The following ULK1 variants were observed in gnomAD, a reference collection of about 807,000 sequenced individuals.
ULK1 encodes unc-51 like autophagy activating kinase 1.
In ULK1, 48 loss-of-function variants were observed where a neutral mutation model predicts 117.5. The ratio of observed to expected loss-of-function variants is 0.41; its 90% CI spans 0.32 to 0.52. ULK1 has a LOEUF of 0.52. Ranked by LOEUF, ULK1 falls within the 20% of genes least tolerant of loss-of-function variation. The pLI is 0.29. For synonymous variants in ULK1, 790 were observed against 637.8 expected (o/e 1.24, Z -3.60); for missense variants, 1,387 against 1,473.4 (o/e 0.94, Z 0.96).
rs368703262 is a variant in ULK1 at position 131,909,866 on chromosome 12, C to T, written c.725+33C>T. 10 of 1,610,378 alleles carry T rather than the reference C, an allele frequency of 6.2e-6. No individual in the cohort carries two copies. The African/African-American group carries it at 1.3e-4, about 22-fold the overall frequency. On this transcript the variant is annotated intron_variant, in intron 9 of 27. Transcript: ENST00000321867. ...CCCTCCCGCCTTCCCTTCCCTTCCCCCGCGGGCTCCGGCCCCGCAGGCCCT... is the reference window on the plus strand; with the variant it reads ...CCCTCCCGCCTTCCCTTCCCTTCCCTCGCGGGCTCCGGCCCCGCAGGCCCT...
chr12:131,915,496 C>T, intron 18 of ULK1, 75 bp downstream of exon 18: 1 of 1,523,294 alleles, frequency 6.6e-7, no homozygotes, highest in Non-Finnish European at 8.9e-7. Flanking sequence ...GGTCTAAAGC[C>T]CTTGCTCTTT....
chr12:131,903,348 C>T lies in ULK1; in HGVS notation c.247-3544C>T, dbSNP rs1889157634. ...GCATTGGCACTGGGCAGAGTGAGGA[C>T]AGGACTCCAGCCCACCTGCTTGGGC... On this transcript the variant is annotated intron_variant, in intron 3 of 27. Transcript: ENST00000321867. The surrounding 1 kb of genome is among the most constrained non-coding windows in gnomAD (Gnocchi z 6.0). 6.6e-6 allele frequency among the ~76,000 whole-genome samples: 1 copy of T among 152,212 alleles called. No homozygotes were observed. The highest frequency in any genetic ancestry group is 6.5e-5 in the Admixed American group (1 of 15,280).
At chr12:131,917,330 GGGGTCGGGTTC>G (rs1178267244) in intron 21 of ULK1, 70 bp from the exon 22 acceptor site, 24 of 1,183,930 alleles carry the variant, frequency 2.0e-5, no homozygotes, top group South Asian at 1.8e-4. Flanking sequence ...CCGTGGGATG[GGGGTCGGGTTC>G]GGCTCGGAGG....
In ULK1 at chr12:131,916,424, G is replaced by A; in HGVS notation, c.1905G>A (p.Lys635=). 2 of 1,592,974 alleles carry A rather than the reference G, an allele frequency of 1.3e-6. No individual in the cohort carries two copies. The highest frequency in any genetic ancestry group is 1.8e-5 in the Admixed American group (1 of 55,394). Residue 635 remains lysine, a synonymous_variant, in exon 20 of 28, where the codon AAG becomes AAA. Coordinates refer to ENST00000321867, the MANE Select transcript of ULK1 (RefSeq NM_003565.4). ...CTGTGCCCTCCTTTGACTTCCCGAA[G>A]ACCCCCAGCTCCCAGAACCTGCTGG... ...TKAVPSFDFP[K]TPSSQNLLAL...
At chr12:131,906,687 G>A in intron 3 of ULK1, 1 of 637,212 alleles carries the variant, frequency 1.6e-6, no homozygotes, top group Non-Finnish European at 2.8e-6. Context: ...GCCTTGATCA[G>A]ATGGAGACCT....
At chr12:131,920,896 G>C in intron 26 of ULK1, 2 of 704,248 alleles carry the variant, frequency 2.8e-6, no homozygotes, top group Non-Finnish European at 4.5e-6. Flanking sequence ...GCGCTGGCCA[G>C]GGTCATCTGG....
At position 131,915,380 on chromosome 12, in the gene ULK1, C is replaced by A. The variant is rs753477562; in HGVS notation, c.1568C>A (p.Pro523Gln). The change falls in exon 18 of 28, where the codon CCA becomes CAA. Residue 523 changes from proline to glutamine, a missense_variant. This residue lies in a region of ULK1 where 900 missense variants were observed against 858.9 expected (regional missense o/e 1.05). Transcript: ENST00000321867. The stretch of plus-strand genomic sequence containing the variant: ...CCAGGCTGGAGCGGGACGCCCTCCC[C>A]ACAGGGAGCTGAGATGCGGGGTGGC... Reference protein sequence around the residue: ...ERPGWSGTPSPQGAEMRGGRS... With the variant: ...ERPGWSGTPSQQGAEMRGGRS... 3.7e-6 allele frequency: 6 copies of A among 1,612,700 alleles called. No homozygotes were observed. The East Asian group carries it at 8.9e-5, about 24-fold the overall frequency.
In ULK1 at chr12:131,919,545, C is replaced by G; in HGVS notation, c.2758C>G (p.Gln920Glu). ...CTCCGGCCTGCAAAGTGCCATCGACCAGATCCGGGCCGGCAAGCTCTGCCT... is the reference window on the plus strand; with the variant it reads ...CTCCGGCCTGCAAAGTGCCATCGACGAGATCCGGGCCGGCAAGCTCTGCCT... ...LSSGLQSAID[Q>E]IRAGKLCLSS... is the part of the protein sequence containing the mutation. Residue 920 changes from glutamine to glutamate, a missense_variant, in exon 25 of 28, where the codon CAG (glutamine) becomes GAG (glutamate). Transcript: ENST00000321867. 7 of 1,612,242 alleles carry G rather than the reference C, an allele frequency of 4.3e-6. No individual in the cohort carries two copies. Among genetic ancestry groups the G allele is most frequent in the Non-Finnish European group, 5.9e-6 (7 of 1,179,626 alleles).
intron 11 of ULK1, 76 bp from the exon 12 acceptor site, chr12:131,910,630 GCTTGTC>G: frequency 6.2e-7 from 1 of 1,611,900 alleles, no homozygotes; most frequent in Non-Finnish European, 8.5e-7. Flanking sequence ...ATATGGTTGA[GCTTGTC>G]CAGTCTGTGG....
Position 131,916,113 on chromosome 12 carries a change from TC to T in ULK1, c.1834del (p.Leu612CysfsTer35). 1 of 1,612,496 alleles carries T rather than the reference TC, an allele frequency of 6.2e-7. No individual in the cohort carries two copies. Among genetic ancestry groups the T allele is most frequent in the Non-Finnish European group, 8.5e-7 (1 of 1,179,850 alleles). On this transcript the variant is annotated frameshift_variant, in exon 19 of 28. Coordinates refer to ENST00000321867, the MANE Select transcript of ULK1 (RefSeq NM_003565.4). LOFTEE classifies it high-confidence loss of function. ...NLRGSPKLPD[F>X]LQRNPLPPIL... ...CGGGGCTCACCCAAGCTGCCCGACTTCCTGCAGCGAAACCCCCTGCCCCCCA... is the reference window on the plus strand; with the variant it reads ...CGGGGCTCACCCAAGCTGCCCGACTTCTGCAGCGAAACCCCCTGCCCCCCA...
At chr12:131,909,614 T>C (rs1001207675) in intron 8 of ULK1, among the ~76,000 whole-genome samples, 161 bp from the exon 9 acceptor site, 26 of 152,094 alleles carry the variant, frequency 1.7e-4, no homozygotes, top group African/African-American at 5.8e-4. Flanking sequence ...CCCGCCCCCA[T>C]GCTCATACCT....
Position 131,919,998 on chromosome 12 carries a change from G to A in ULK1, c.2823G>A (p.Glu941=), listed in dbSNP as rs928402748. 3.1e-6 allele frequency: 5 copies of A among 1,612,654 alleles called. No homozygotes were observed. The African/African-American group carries it at 6.7e-5, about 22-fold the overall frequency. The change falls in exon 26 of 28, where the codon GAG becomes GAA. Residue 941 remains glutamate, a synonymous_variant. Coordinates refer to ENST00000321867, the MANE Select transcript of ULK1 (RefSeq NM_003565.4). ...TTGCAGTGGTGCGCAGGCTGAATGA[G>A]CTGTACAAGGCCAGCGTGGTGTCCT... The part of the protein sequence containing the change: ...TVKQVVRRLN[E]LYKASVVSCQ...
Position 131,910,271 on chromosome 12 carries a change from C to G in ULK1, c.826C>G (p.Pro276Ala). Residue 276 changes from proline to alanine, a missense_variant, in exon 11 of 28, where the codon CCT becomes GCT. Pro to Ala is a conservative substitution (Grantham distance 27). Coordinates refer to ENST00000321867, the MANE Select transcript of ULK1 (RefSeq NM_003565.4). The part of the protein sequence containing the change: ...RMDFDEFFHH[P>A]FLDASPSVRK... Reference sequence around the variant, plus strand: ...TCCTGCAGATGAGTTTTTTCATCACCCTTTCCTCGATGCCAGCCCCTCGGT... The same window carrying G: ...TCCTGCAGATGAGTTTTTTCATCACGCTTTCCTCGATGCCAGCCCCTCGGT... 2 of 1,613,802 alleles carry G rather than the reference C, an allele frequency of 1.2e-6. No homozygotes were observed. The highest frequency in any genetic ancestry group is 1.7e-6 in the Non-Finnish European group (2 of 1,179,970).
At position 131,916,171 on chromosome 12, in the gene ULK1, T is replaced by G; in HGVS notation, c.1878+12T>G. On this transcript the variant is annotated intron_variant, in intron 19 of 27. Coordinates refer to ENST00000321867, the MANE Select transcript of ULK1 (RefSeq NM_003565.4). ...GCTCCCCCACCAAGGTAATGGGCAC[T>G]GCCATGTGTGCAGGGGCACAGAGCC... 6.2e-7 allele frequency: 1 copy of G among 1,608,628 alleles called. No homozygotes were observed. The highest frequency in any genetic ancestry group is 1.7e-5 in the Admixed American group (1 of 58,694).
chr12:131,914,445 C>T lies in ULK1; in HGVS notation c.1341C>T (p.Asn447=). 1 of 1,612,758 alleles carries T rather than the reference C, an allele frequency of 6.2e-7. No homozygotes were observed. The highest frequency in any genetic ancestry group is 8.5e-7 in the Non-Finnish European group (1 of 1,179,942). The change falls in exon 16 of 28, where the codon AAC becomes AAT. Residue 447 remains asparagine (N), a synonymous_variant. Transcript: ENST00000321867. ...QVQNYQRIER[N]LQSPTQFQTP... is the part of the protein sequence containing the mutation. Reference sequence around the variant, plus strand: ...AGAACTACCAGCGCATTGAGCGAAACCTGCAGTCACCCACCCAGTTCCAAA... The same window carrying T: ...AGAACTACCAGCGCATTGAGCGAAATCTGCAGTCACCCACCCAGTTCCAAA...
intron 3 of ULK1, among the ~76,000 whole-genome samples, chr12:131,899,456 A>C (rs1473973667): frequency 6.6e-6 from 1 of 151,250 alleles, no homozygotes; most frequent in African/African-American, 2.4e-5. Context: ...CGAAAGTGCT[A>C]GGATTACAGG....
At position 131,922,662 on chromosome 12, in the gene ULK1, C is replaced by G. The variant is rs913520811; in HGVS notation, c.*1301C>G. On this transcript the variant is annotated 3_prime_UTR_variant, in exon 28 of 28. Coordinates refer to ENST00000321867, the MANE Select transcript of ULK1 (RefSeq NM_003565.4). ...CTGCCTGAATCAGTAGATACTTGAA[C>G]GAGTCCCCAGTCTGCGGGAGGCAGT... The G allele has an allele frequency of 2.0e-5, 3 of 152,894 alleles. No individual in the cohort carries two copies. Among genetic ancestry groups the G allele is most frequent in the African/African-American group, 7.2e-5 (3 of 41,476 alleles). The allele number at this position is 152,894 out of a possible 1,614,324, so 9.5% of individuals were successfully genotyped here. A position where few individuals can be genotyped will look rare whatever the true frequency, so the allele number is the denominator to read the frequency against.
At chr12:131,909,045 T>G (rs1889403570) in intron 7 of ULK1, 74 bp downstream of exon 7, 3 of 1,610,394 alleles carry the variant, frequency 1.9e-6, no homozygotes, top group Admixed American at 3.3e-5. Flanking sequence ...TGGCGTGTGG[T>G]GCGCTCTGCT....
chr12:131,912,167 T>C (rs1459025771), intron 13 of ULK1, 78 bp downstream of exon 13: 48 of 1,514,312 alleles, frequency 3.2e-5, no homozygotes, highest in Non-Finnish European at 4.0e-5. Flanking sequence ...GGATGCACAG[T>C]GTGTAACACA....
Sources: gnomAD v4.1 joint callset for allele counts (sites outside exome capture counted in the v4.1 genomes callset) on GRCh38, gnomAD v4.1.1 for gene constraint, gnomAD v4.1.1 regional missense constraint, Gnocchi (gnomAD v3.1) non-coding constraint, MANE v1.5 for transcripts, NCBI Gene and HGNC (gene_info 2026-07-23, HGNC 2026-07-21) for gene names.